Variants in NINL observed in about 807,000 individuals in gnomAD.
NINL encodes ninein-like protein.
Under a neutral mutation model 160.3 loss-of-function variants are expected in NINL, and 153 were observed. That is an observed-to-expected ratio of 0.95 (90% CI 0.84 to 1.09). The LOEUF is 1.09. NINL is among the 50% of genes least tolerant of loss of function. The probability of loss-of-function intolerance (pLI) is 0.00; values close to 1 mark genes in which losing one functional copy is unlikely to be tolerated. For missense variants in NINL, 1,829 were observed against 1,764.0 expected, an observed-to-expected ratio of 1.04 and a Z score of -0.66; for synonymous variants, 800 against 734.8, an observed-to-expected ratio of 1.09 and a Z score of -1.43.
At chr20:25,534,519 C>T (rs1000977130) in intron 1 of NINL, among the ~76,000 whole-genome samples, 2 of 152,196 alleles carry the variant, frequency 1.3e-5, no homozygotes, top group African/African-American at 4.8e-5. Flanking sequence ...ATAGCATGGC[C>T]TACCACAAAC....
rs538647933 is a variant in NINL at position 25,485,887 on chromosome 20, C to G, written c.1677+3357G>C. Among the ~76,000 whole-genome samples the G allele has an allele frequency of 5.2e-4, 79 of 152,358 alleles. 1 individual carries two copies. The highest frequency in any genetic ancestry group is 1.9e-3 in the African/African-American group (78 of 41,580). ...TCCTGTTCCTTTAACATCCTTGACT[C>G]TGAAACATTCCCACAGTCTTTCTTT... On this transcript the variant is annotated intron_variant, in intron 13 of 23. Transcript: ENST00000278886.
intron 1 of NINL, among the ~76,000 whole-genome samples, chr20:25,575,025 A>T (rs1600370073): frequency 6.6e-6 from 1 of 152,198 alleles, no homozygotes; most frequent in Non-Finnish European, 1.5e-5. Flanking sequence ...AAGCAAAGAA[A>T]AAAAAAGGTT....
At chr20:25,494,610 G>A (rs1013541624) in intron 10 of NINL, among the ~76,000 whole-genome samples, 5 of 152,208 alleles carry the variant, frequency 3.3e-5, no homozygotes, top group African/African-American at 4.8e-5. Context: ...AGGTGCAGGC[G>A]AACAGAGGCG....
intron 1 of NINL, among the ~76,000 whole-genome samples, chr20:25,543,905 G>A (rs1394026406): frequency 7.0e-6 from 1 of 143,640 alleles, no homozygotes; most frequent in African/African-American, 2.8e-5. Flanking sequence ...GGCCCTTGAG[G>A]CGCTGCCTCC....
chr20:25,479,192 T>A lies in NINL; in HGVS notation c.1932A>T (p.Glu644Asp). 1.2e-6 allele frequency: 2 copies of A among 1,606,380 alleles called. No homozygotes were observed. Among genetic ancestry groups the A allele is most frequent in the Non-Finnish European group, 1.7e-6 (2 of 1,175,008 alleles). The change falls in exon 16 of 24, where the codon GAA (glutamate) becomes GAT (aspartate). Residue 644 changes from glutamate to aspartate, a missense_variant. Glu to Asp is a conservative substitution (Grantham distance 45). Transcript: ENST00000278886. ...TQLETKVNYY[E>D]REIAALKRNF... ...TCCTTTTCAGTGCCGCAATTTCCCT[T>A]TCGTAGTAATTTACCTAAAACGAGA...
At chr20:25,464,665 GCTA>G (rs2062869531) in intron 19 of NINL, among the ~76,000 whole-genome samples, 1 of 152,180 alleles carries the variant, frequency 6.6e-6, no homozygotes, top group Non-Finnish European at 1.5e-5. Context: ...CTGCTGTGCA[GCTA>G]CTGCTTCAGG....
At chr20:25,559,903 C>T (rs570600724) in intron 1 of NINL, among the ~76,000 whole-genome samples, 5 of 151,892 alleles carry the variant, frequency 3.3e-5, no homozygotes, top group African/African-American at 1.2e-4. Flanking sequence ...CAGCATGCCC[C>T]GCCTTGCATG....
At chr20:25,469,920 G>A in intron 18 of NINL, 71 bp downstream of exon 18, 4 of 986,544 alleles carry the variant, frequency 4.1e-6, no homozygotes, top group Non-Finnish European at 6.5e-6. Flanking sequence ...TCTATATGGA[G>A]ACTGCATAAG....
At chr20:25,537,801 G>A (rs74582000) in intron 1 of NINL, among the ~76,000 whole-genome samples, 7,099 of 152,280 alleles carry the variant, frequency 0.047, 170 homozygotes, top group Non-Finnish European at 0.06. Flanking sequence ...TCAGGACACT[G>A]TCTCCTTCAG....
chr20:25,477,687 G>T (rs1211904515), intron 16 of NINL, among the ~76,000 whole-genome samples: 1 of 152,190 alleles, frequency 6.6e-6, no homozygotes, highest in African/African-American at 2.4e-5. Flanking sequence ...CCAAGCATTG[G>T]CAGATCGGGA....
Position 25,479,073 on chromosome 20 carries a change from T to C in NINL, c.2051A>G (p.Glu684Gly). 6.2e-7 allele frequency: 1 copy of C among 1,613,046 alleles called. No homozygotes were observed. Reference sequence around the variant, plus strand: ...GCCCCAGATGACCTCCTGAGACTTCTCGTGGAGCTCCTCCAGGTCGGCCTT... The same window carrying C: ...GCCCCAGATGACCTCCTGAGACTTCCCGTGGAGCTCCTCCAGGTCGGCCTT... ...GQKADLEELH[E>G]KSQEVIWGLQ... Residue 684 changes from glutamate (E) to glycine (G), a missense_variant, in exon 16 of 24, where the codon GAG (glutamate) becomes GGG (glycine). Physicochemically the swap from Glu to Gly is moderately conservative, Grantham distance 98. Coordinates refer to ENST00000278886, the MANE Select transcript of NINL (RefSeq NM_025176.6).
intron 5 of NINL, among the ~76,000 whole-genome samples, chr20:25,506,284 C>T (rs973604084): frequency 1.3e-5 from 2 of 152,134 alleles, no homozygotes; most frequent in Non-Finnish European, 2.9e-5. Flanking sequence ...GGTGAGGGCT[C>T]TATTATTTGT....
chr20:25,463,109 T>C (rs1273025903), intron 19 of NINL, among the ~76,000 whole-genome samples: 1 of 152,152 alleles, frequency 6.6e-6, no homozygotes, highest in East Asian at 1.9e-4. Context: ...ATGGGGGCAC[T>C]TGACACCCTA....
chr20:25,497,758 C>A (rs1008884373), intron 9 of NINL, among the ~76,000 whole-genome samples: 5 of 152,188 alleles, frequency 3.3e-5, no homozygotes, highest in East Asian at 1.9e-4. Context: ...CGAGAGGCAG[C>A]GGCAGGACCC....
chr20:25,525,449 C>T (rs1323116419), intron 2 of NINL, among the ~76,000 whole-genome samples: 1 of 152,070 alleles, frequency 6.6e-6, no homozygotes, highest in African/African-American at 2.4e-5. Flanking sequence ...CTCAGGCATT[C>T]GAGACCAGCC....
At chr20:25,578,514 CT>C (rs1287309016) in intron 1 of NINL, among the ~76,000 whole-genome samples, 3 of 152,032 alleles carry the variant, frequency 2.0e-5, no homozygotes, top group Non-Finnish European at 4.4e-5. Context: ...ATTTGATTAG[CT>C]GGGCGCAGTG....
chr20:25,579,797 C>T (rs2065152805), intron 1 of NINL, among the ~76,000 whole-genome samples: 1 of 152,190 alleles, frequency 6.6e-6, no homozygotes, highest in Non-Finnish European at 1.5e-5. Flanking sequence ...TGGAGCAGCC[C>T]ATCCTGAGGT....
At chr20:25,466,908 A>G (rs543697466) in intron 19 of NINL, among the ~76,000 whole-genome samples, 2 of 152,204 alleles carry the variant, frequency 1.3e-5, no homozygotes, top group Non-Finnish European at 2.9e-5. Context: ...GGAGTTTGAG[A>G]GCAGCCTTGG....
chr20:25,491,310 G>A, intron 11 of NINL, 41 bp downstream of exon 11: 2 of 1,570,464 alleles, frequency 1.3e-6, no homozygotes, highest in Non-Finnish European at 1.7e-6. Context: ...GAATGCTCAG[G>A]CACCCCCCCA....
Sources: gnomAD v4.1 joint callset for allele counts (sites outside exome capture counted in the v4.1 genomes callset) on GRCh38, gnomAD v4.1.1 for gene constraint, MANE v1.5 for transcripts, NCBI Gene and HGNC (gene_info 2026-07-23, HGNC 2026-07-21) for gene names.